The following STAU2 variants were observed in gnomAD, a reference collection of about 807,000 sequenced individuals.
STAU2 encodes the protein double-stranded RNA-binding protein Staufen homolog 2.
In STAU2, 20 loss-of-function variants were observed where a neutral mutation model predicts 65.9. That is an observed-to-expected ratio of 0.30 (90% CI 0.21 to 0.44). STAU2 has a LOEUF of 0.44. Ranked by LOEUF, STAU2 falls within the 20% of genes least tolerant of loss-of-function variation. STAU2 has a pLI of 1.00. For missense variants in STAU2, 558 were observed against 683.9 expected, an observed-to-expected ratio of 0.82 and a Z score of 2.05; for synonymous variants, 232 against 233.9, an observed-to-expected ratio of 0.99 and a Z score of 0.07.
At chr8:73,687,364 ATATAAT>A (rs1563506939) in intron 5 of STAU2, among the ~76,000 whole-genome samples, 1 of 17,964 alleles carries the variant, frequency 5.6e-5, no homozygotes, top group Non-Finnish European at 9.0e-5. Flanking sequence ...TATAATATAA[ATATAAT>A]TTATAATTTA....
intron 2 of STAU2, among the ~76,000 whole-genome samples, chr8:73,739,373 C>T (rs1427778834): frequency 1.3e-5 from 2 of 151,914 alleles, no homozygotes; most frequent in African/African-American, 4.8e-5. Flanking sequence ...CAGACCTCTC[C>T]CCTAAAAATT....
At chr8:73,746,318 A>C (rs1807272308) in intron 1 of STAU2, among the ~76,000 whole-genome samples, 2 of 138,904 alleles carry the variant, frequency 1.4e-5, no homozygotes, top group Admixed American at 1.4e-4. Context: ...CCCCTGCCCT[A>C]CTCTAGGCGC....
intron 13 of STAU2, among the ~76,000 whole-genome samples, chr8:73,511,893 A>C (rs1253235213): frequency 1.3e-5 from 2 of 152,200 alleles, no homozygotes; most frequent in Non-Finnish European, 2.9e-5. Flanking sequence ...TTTGGGTTTT[A>C]CATTTAAGTC....
At chr8:73,671,596 G>A (rs1344301660) in intron 6 of STAU2, among the ~76,000 whole-genome samples, 1 of 152,042 alleles carries the variant, frequency 6.6e-6, no homozygotes, top group Non-Finnish European at 1.5e-5. Context: ...AATCAGTGAT[G>A]TGAACAAAGA....
chr8:73,680,933 T>TA (rs1385357048), intron 5 of STAU2, among the ~76,000 whole-genome samples: 7 of 151,860 alleles, frequency 4.6e-5, no homozygotes, highest in Admixed American at 3.3e-4. Flanking sequence ...AAAAGAATTT[T>TA]AAAAAATGAA....
chr8:73,747,462 G>T, upstream of STAU2: 2 of 1,534,344 alleles, frequency 1.3e-6, no homozygotes, highest in Non-Finnish European at 1.7e-6. Context: ...TCCGGCCGCC[G>T]CTGTGCAACG....
chr8:73,695,594 A>T (rs954925669), intron 4 of STAU2, among the ~76,000 whole-genome samples: 1 of 152,160 alleles, frequency 6.6e-6, no homozygotes, highest in Non-Finnish European at 1.5e-5. Flanking sequence ...AGTAAAGGGA[A>T]CATTGTCTTG....
intron 3 of STAU2, among the ~76,000 whole-genome samples, chr8:73,737,181 T>G (rs974531797): frequency 5.3e-5 from 8 of 151,282 alleles, no homozygotes; most frequent in Non-Finnish European, 1.0e-4. Context: ...TTACTTTTGT[T>G]TTTTTTTTGA....
intron 6 of STAU2, among the ~76,000 whole-genome samples, chr8:73,661,655 C>A (rs1004452666): frequency 6.6e-6 from 1 of 152,184 alleles, no homozygotes; most frequent in African/African-American, 2.4e-5. Flanking sequence ...GGATTAGTTT[C>A]GCCTATTCTA....
At chr8:73,567,088 T>C (rs1411651226) in intron 12 of STAU2, among the ~76,000 whole-genome samples, 1 of 152,202 alleles carries the variant, frequency 6.6e-6, no homozygotes, top group Non-Finnish European at 1.5e-5. Context: ...CTAATTGTTA[T>C]ATGTTATAAA....
intron 4 of STAU2, among the ~76,000 whole-genome samples, chr8:73,707,442 G>T (rs914958282): frequency 6.6e-6 from 1 of 152,100 alleles, no homozygotes; most frequent in African/African-American, 2.4e-5. Context: ...CAAGATCACC[G>T]GAGATGTTAA....
chr8:73,550,960 A>G (rs1807292183), intron 13 of STAU2: 16 of 985,504 alleles, frequency 1.6e-5, no homozygotes, highest in Non-Finnish European at 1.9e-5. Flanking sequence ...ATCATTCTAC[A>G]CAATACAGAT....
chr8:73,471,817 TAA>T (rs569600617), intron 13 of STAU2, among the ~76,000 whole-genome samples: 3 of 86,800 alleles, frequency 3.5e-5, no homozygotes, highest in Non-Finnish European at 4.2e-5. Flanking sequence ...AGACTCCAAC[TAA>T]AAAAAAAAAA....
intron 13 of STAU2, among the ~76,000 whole-genome samples, chr8:73,512,038 A>G (rs888934923): frequency 2.0e-5 from 3 of 152,116 alleles, no homozygotes; most frequent in Non-Finnish European, 4.4e-5. Context: ...TTTCCTTGGC[A>G]TTTTTATTGA....
At chr8:73,504,146 G>T (rs1249225166) in intron 13 of STAU2, among the ~76,000 whole-genome samples, 1 of 152,032 alleles carries the variant, frequency 6.6e-6, no homozygotes, top group Non-Finnish European at 1.5e-5. Flanking sequence ...ATAGTCAGTA[G>T]GACCTCCAGA....
intron 3 of STAU2, among the ~76,000 whole-genome samples, chr8:73,720,724 G>A (rs1379863936): frequency 2.4e-5 from 2 of 84,352 alleles, no homozygotes; most frequent in Non-Finnish European, 4.7e-5. Context: ...TTGTTAACCA[G>A]GATGGTCTCG....
chr8:73,559,690 C>G (rs1488365818), intron 12 of STAU2, among the ~76,000 whole-genome samples: 1 of 152,186 alleles, frequency 6.6e-6, no homozygotes, highest in African/African-American at 2.4e-5. Flanking sequence ...TGATCTTTAG[C>G]TACTAGACTG....
chr8:73,690,863 A>G (rs2130539630), intron 4 of STAU2, among the ~76,000 whole-genome samples: 1 of 152,324 alleles, frequency 6.6e-6, no homozygotes, highest in Non-Finnish European at 1.5e-5. Context: ...AGTTTAAAAT[A>G]TATACCTAAA....
chr8:73,452,849 T>C (rs1342920796), intron 13 of STAU2, among the ~76,000 whole-genome samples: 2 of 152,218 alleles, frequency 1.3e-5, no homozygotes, highest in Non-Finnish European at 2.9e-5. Context: ...GACATGCTAA[T>C]TTATAGCACC....
Sources: allele counts gnomAD v4.1 joint callset (sites outside exome capture counted in the v4.1 genomes callset), GRCh38; gene constraint gnomAD v4.1.1; transcripts MANE v1.5; gene names NCBI Gene and HGNC (gene_info 2026-07-23, HGNC 2026-07-21).